DPP10: variants seen among roughly 807,000 people sequenced by gnomAD.
DPP10 encodes the protein dipeptidyl peptidase like 10.
In DPP10, 33 loss-of-function variants were observed where a neutral mutation model predicts 120.9. The observed-to-expected ratio is 0.27, with a 90% CI of 0.21 to 0.37. The LOEUF is 0.37. Ranked by LOEUF, DPP10 falls within the 10% of genes least tolerant of loss-of-function variation. The probability of loss-of-function intolerance (pLI) is 1.00; values close to 1 mark genes in which losing one functional copy is unlikely to be tolerated. For missense variants in DPP10, 816 were observed against 942.8 expected, an observed-to-expected ratio of 0.87 and a Z score of 1.76; for synonymous variants, 337 against 326.1, an observed-to-expected ratio of 1.03 and a Z score of -0.36.
At chr2:115,324,112 C>T (rs951293826) in intron 2 of DPP10, among the ~76,000 whole-genome samples, 5 of 152,030 alleles carry the variant, frequency 3.3e-5, no homozygotes, top group African/African-American at 1.2e-4. Context: ...TCCATCTCTA[C>T]TAAAAATACA....
At chr2:115,243,173 T>C (rs1051022448) in intron 1 of DPP10, among the ~76,000 whole-genome samples, 2 of 152,210 alleles carry the variant, frequency 1.3e-5, no homozygotes, top group African/African-American at 4.8e-5. Context: ...CAGCCTCCAA[T>C]AGTATTTCCT....
intron 3 of DPP10, among the ~76,000 whole-genome samples, chr2:115,487,699 C>A (rs2075855667): frequency 5.1e-4 from 1 of 1,952 alleles, no homozygotes; most frequent in African/African-American, 5.4e-4. Context: ...AAACTGGATC[C>A]CTTCCTTACA....
At chr2:114,701,622 G>A (rs1237609299) in intron 1 of DPP10, among the ~76,000 whole-genome samples, 1 of 152,122 alleles carries the variant, frequency 6.6e-6, no homozygotes, top group Non-Finnish European at 1.5e-5. Context: ...AGTAATGTTA[G>A]TGCCACCCTT....
chr2:114,567,770 C>G (rs573234082), intron 1 of DPP10, among the ~76,000 whole-genome samples: 47 of 152,106 alleles, frequency 3.1e-4, no homozygotes, highest in Non-Finnish European at 5.0e-4. Flanking sequence ...AACAGAAAAC[C>G]AAACACTGCA....
chr2:115,551,233 G>T (rs2079853576), intron 5 of DPP10, among the ~76,000 whole-genome samples: 1 of 152,042 alleles, frequency 6.6e-6, no homozygotes, highest in South Asian at 2.1e-4. Context: ...TTGTCACAAT[G>T]GGATCCTCTC....
intron 1 of DPP10, among the ~76,000 whole-genome samples, chr2:114,777,700 G>A (rs1681887958): frequency 6.6e-6 from 1 of 152,032 alleles, no homozygotes; most frequent in Non-Finnish European, 1.5e-5. Flanking sequence ...TAATAGATAT[G>A]AAGCCCAAAG....
At chr2:115,656,149 C>T (rs1285949120) in intron 5 of DPP10, among the ~76,000 whole-genome samples, 1 of 151,098 alleles carries the variant, frequency 6.6e-6, no homozygotes, top group Non-Finnish European at 1.5e-5. Context: ...CACACACACA[C>T]ACACACACAC....
At chr2:114,498,886 T>C (rs1682909339) in intron 1 of DPP10, among the ~76,000 whole-genome samples, 1 of 152,204 alleles carries the variant, frequency 6.6e-6, no homozygotes, top group South Asian at 2.1e-4. Context: ...AGTCAAGACA[T>C]GGAACCAACC....
chr2:115,415,440 T>C (rs1181949931), intron 3 of DPP10, among the ~76,000 whole-genome samples: 1 of 152,138 alleles, frequency 6.6e-6, no homozygotes, highest in Non-Finnish European at 1.5e-5. Context: ...TCTACAGAGA[T>C]AGCCTCTGAA....
At chr2:115,133,313 A>G (rs2104801759) in intron 1 of DPP10, among the ~76,000 whole-genome samples, 1 of 151,268 alleles carries the variant, frequency 6.6e-6, no homozygotes, top group Non-Finnish European at 1.5e-5. Context: ...AAAAGCAAAA[A>G]ACAACAACAA....
chr2:115,768,210 G>T lies in DPP10; in HGVS notation c.1114-87G>T. ...CTAACTAATTATAAATCAATATTTGGTATAACCCATGCAGGAATTAACAGT... is the reference window on the plus strand; with the variant it reads ...CTAACTAATTATAAATCAATATTTGTTATAACCCATGCAGGAATTAACAGT... On this transcript the variant is annotated intron_variant, in intron 12 of 25. Transcript: ENST00000410059. The T allele has an allele frequency of 3.7e-6, 4 of 1,071,328 alleles. No homozygotes were observed. The South Asian group carries it at 4.7e-5, about 13-fold the overall frequency. 66.4% of individuals were successfully genotyped at this position (1,071,328 alleles called of 1,614,324 possible). A position where few individuals can be genotyped will look rare whatever the true frequency, so the allele number is the denominator to read the frequency against.
At chr2:115,446,339 C>T (rs1344397366) in intron 3 of DPP10, among the ~76,000 whole-genome samples, 1 of 152,186 alleles carries the variant, frequency 6.6e-6, no homozygotes, top group Non-Finnish European at 1.5e-5. Flanking sequence ...GGAGCCCACA[C>T]ACAGAGTCCC....
intron 1 of DPP10, among the ~76,000 whole-genome samples, chr2:115,208,361 G>A (rs2056300126): frequency 1.3e-5 from 2 of 151,670 alleles, no homozygotes; most frequent in Admixed American, 6.6e-5. Flanking sequence ...CACTGCACCC[G>A]GCTAATTTAT....
chr2:115,578,749 C>T (rs1213657365), intron 5 of DPP10, among the ~76,000 whole-genome samples: 6 of 152,194 alleles, frequency 3.9e-5, no homozygotes, highest in Non-Finnish European at 8.8e-5. Flanking sequence ...GGGGATTTTG[C>T]AGACCTAAGG....
At chr2:114,820,835 A>G (rs1006139580) in intron 1 of DPP10, among the ~76,000 whole-genome samples, 1 of 152,206 alleles carries the variant, frequency 6.6e-6, no homozygotes, top group Non-Finnish European at 1.5e-5. Context: ...GCACAGCCAA[A>G]CCATATCATT....
intron 3 of DPP10, among the ~76,000 whole-genome samples, chr2:115,382,134 A>T (rs550295842): frequency 6.6e-6 from 1 of 152,112 alleles, no homozygotes; most frequent in Non-Finnish European, 1.5e-5. Context: ...AGCCTGGGCA[A>T]TGGCGGGCGC....
intron 1 of DPP10, among the ~76,000 whole-genome samples, chr2:114,775,276 A>G (rs1163249627): frequency 1.3e-5 from 2 of 152,172 alleles, no homozygotes; most frequent in Non-Finnish European, 2.9e-5. Flanking sequence ...TAAGTACAAT[A>G]TCCCAGGAGA....
chr2:114,452,882 T>G (rs1421717006), intron 1 of DPP10, among the ~76,000 whole-genome samples: 1 of 152,142 alleles, frequency 6.6e-6, no homozygotes, highest in Non-Finnish European at 1.5e-5. Flanking sequence ...GTTCCATAAT[T>G]GGCCTGCAGA....
intron 1 of DPP10, among the ~76,000 whole-genome samples, chr2:114,845,421 A>G (rs1264004468): frequency 1.3e-5 from 2 of 152,290 alleles, no homozygotes; most frequent in East Asian, 3.9e-4. Flanking sequence ...TAGTTTAAAA[A>G]AATCTGTCAG....
Sources: allele counts gnomAD v4.1 joint callset (sites outside exome capture counted in the v4.1 genomes callset), GRCh38; gene constraint gnomAD v4.1.1; transcripts MANE v1.5; gene names NCBI Gene and HGNC (gene_info 2026-07-23, HGNC 2026-07-21).